Variants in MITD1 observed in about 807,000 individuals in gnomAD.
MITD1 encodes the protein MIT domain-containing protein 1.
A neutral mutation model predicts 34.9 loss-of-function variants in MITD1; 24 were observed. The observed-to-expected ratio is 0.69, with a 90% CI of 0.50 to 0.97. The LOEUF (loss-of-function observed/expected upper bound fraction) is 0.97. Among genes scored for constraint, MITD1 ranks in the 50% least tolerant of loss-of-function variants. The pLI, the probability that MITD1 is intolerant of heterozygous loss-of-function variation, is 0.00. For missense variants in MITD1, 266 were observed against 294.6 expected (o/e 0.90, Z 0.71); for synonymous variants, 102 against 101.4 (o/e 1.01, Z -0.04).
intron 1 of MITD1, among the ~76,000 whole-genome samples, chr2:99,176,647 CATT>C (rs1479980218): frequency 1.3e-5 from 2 of 151,560 alleles, no homozygotes; most frequent in South Asian, 2.1e-4. Context: ...TTTCTTAAAA[CATT>C]ATGAGGGGTG....
chr2:99,177,833 C>T (rs1467028799), intron 1 of MITD1, among the ~76,000 whole-genome samples: 2 of 152,264 alleles, frequency 1.3e-5, no homozygotes, highest in Non-Finnish European at 2.9e-5. Flanking sequence ...CTTTGACCAA[C>T]CTCTCCCCAT....
chr2:99,177,583 C>G (rs1436336407), intron 1 of MITD1, among the ~76,000 whole-genome samples: 2 of 152,102 alleles, frequency 1.3e-5, no homozygotes, highest in Non-Finnish European at 2.9e-5. Context: ...ATCCTTCATT[C>G]TAGCTATGTT....
intron 1 of MITD1, among the ~76,000 whole-genome samples, chr2:99,174,688 T>A (rs1426567023): frequency 6.6e-6 from 1 of 152,196 alleles, no homozygotes; most frequent in Non-Finnish European, 1.5e-5. Flanking sequence ...CCTCCCGGGT[T>A]CAAGCAATTC....
At position 99,180,831 on chromosome 2, in the gene MITD1, C is replaced by A. The variant is rs1282053373; in HGVS notation, c.151G>T (p.Gly51Cys). ...GIDLLLQVLKGTKDNTKRCNL... is the reference protein window; with the variant it reads ...GIDLLLQVLKCTKDNTKRCNL... Reference sequence around the variant, plus strand: ...CTCCCCGCCTTGGCTCATTGCTCACCTTTCAGAACCTGCAGGAGCAGATCA... The same window carrying A: ...CTCCCCGCCTTGGCTCATTGCTCACATTTCAGAACCTGCAGGAGCAGATCA... The change falls in exon 1 of 7, where the codon GGT (glycine) becomes TGT (cysteine). Residue 51 changes from glycine (G) to cysteine (C), a missense_variant and splice_region_variant. By Grantham distance (159) the Gly-to-Cys change is radical. Coordinates refer to ENST00000289359, the MANE Select transcript of MITD1 (RefSeq NM_138798.3). 1.2e-5 allele frequency: 20 copies of A among 1,613,836 alleles called. No homozygotes were observed. Among genetic ancestry groups the A allele is most frequent in the Non-Finnish European group, 1.6e-5 (19 of 1,179,852 alleles).
At chr2:99,168,946 AT>A (rs1175310553), downstream of MITD1, among the ~76,000 whole-genome samples, 809 of 49,106 alleles carry the variant, frequency 0.016, 2 homozygotes, top group African/African-American at 0.039. Context: ...TGCCCGGCTA[AT>A]TTTTTTTTTT....
At chr2:99,162,454 C>G (rs769524315) in intron 7 of MITD1, 9 of 1,613,888 alleles carry the variant, frequency 5.6e-6, no homozygotes, top group Non-Finnish European at 7.6e-6. Flanking sequence ...TCAGGAACAG[C>G]TTCTAAGATC....
chr2:99,168,946 A>ATTTTTTTTTTTTTTT (rs1175310553), downstream of MITD1, among the ~76,000 whole-genome samples: 1 of 49,310 alleles, frequency 2.0e-5, no homozygotes, highest in Non-Finnish European at 4.1e-5. Flanking sequence ...TGCCCGGCTA[A>ATTTTTTTTTTTTTTT]TTTTTTTTTT....
downstream of MITD1, among the ~76,000 whole-genome samples, chr2:99,168,411 G>C (rs142778464): frequency 8.4e-4 from 128 of 152,346 alleles, 2 homozygotes; most frequent in East Asian, 0.023. Flanking sequence ...AAAGTGCTGG[G>C]ATTACAGGCG....
chr2:99,163,081 T>C, intron 7 of MITD1: 1 of 1,523,892 alleles, frequency 6.6e-7, no homozygotes, highest in Non-Finnish European at 8.8e-7. Context: ...ATAATGTGAT[T>C]CCAAGTAAAT....
At chr2:99,168,781 T>C (rs2093838613), downstream of MITD1, among the ~76,000 whole-genome samples, 1 of 151,746 alleles carries the variant, frequency 6.6e-6, no homozygotes, top group Admixed American at 6.6e-5. Flanking sequence ...AGCCCATCTG[T>C]CTCTTTTTTT....
At chr2:99,162,493 C>T (rs1026396634) in intron 7 of MITD1, 1 of 1,614,126 alleles carries the variant, frequency 6.2e-7, no homozygotes, top group Non-Finnish European at 8.5e-7. Flanking sequence ...CACCATTGCA[C>T]TTTATTATGT....
chr2:99,167,572 A>C (rs898071070), downstream of MITD1, among the ~76,000 whole-genome samples: 3 of 152,218 alleles, frequency 2.0e-5, no homozygotes, highest in Admixed American at 1.3e-4. Context: ...AATTCTCCAT[A>C]GTAACGATTC....
chr2:99,178,377 T>C (rs1236856923), intron 1 of MITD1: 2 of 152,242 alleles, frequency 1.3e-5, no homozygotes, highest in Non-Finnish European at 2.9e-5. Context: ...ATCCTTGCCA[T>C]ATTCAGTCCT....
downstream of MITD1, among the ~76,000 whole-genome samples, chr2:99,168,587 G>T (rs183428064): frequency 9.8e-5 from 15 of 152,330 alleles, no homozygotes. Context: ...TAAGCTGCAA[G>T]GCTTTACAAA....
At chr2:99,175,627 T>C (rs889520731) in intron 1 of MITD1, among the ~76,000 whole-genome samples, 1 of 152,234 alleles carries the variant, frequency 6.6e-6, no homozygotes, top group African/African-American at 2.4e-5. Context: ...TGGAAAGATA[T>C]CCTGCTTCCC....
downstream of MITD1, among the ~76,000 whole-genome samples, chr2:99,166,726 T>C (rs567544637): frequency 7.3e-5 from 11 of 151,552 alleles, no homozygotes; most frequent in East Asian, 2.1e-3. Context: ...ATTTTATAAA[T>C]TTGATCTCTC....
chr2:99,177,675 AT>A (rs34554984), intron 1 of MITD1, among the ~76,000 whole-genome samples: 13 of 149,938 alleles, frequency 8.7e-5, no homozygotes, highest in African/African-American at 1.2e-4. Flanking sequence ...TTAACTGTAA[AT>A]TTTTTTTTTT....
chr2:99,169,210 T>C (rs2093841285), downstream of MITD1: 4 of 483,228 alleles, frequency 8.3e-6, no homozygotes, highest in East Asian at 1.4e-4. Context: ...CTGAGTAATA[T>C]ATTTACAAAA....
downstream of MITD1, among the ~76,000 whole-genome samples, chr2:99,164,724 G>C (rs1361159347): frequency 2.0e-5 from 3 of 152,142 alleles, no homozygotes; most frequent in Non-Finnish European, 4.4e-5. Flanking sequence ...TAAATACCAA[G>C]TAAACACAAC....
Sources: gnomAD v4.1 joint callset for allele counts (sites outside exome capture counted in the v4.1 genomes callset) on GRCh38, gnomAD v4.1.1 for gene constraint, MANE v1.5 for transcripts, NCBI Gene and HGNC (gene_info 2026-07-23, HGNC 2026-07-21) for gene names.